The following TRPC5 variants were observed in gnomAD, a reference collection of about 807,000 sequenced individuals.
The protein encoded by TRPC5 is short transient receptor potential channel 5.
In TRPC5, 9 loss-of-function variants were observed where a neutral mutation model predicts 56.5. That is an observed-to-expected ratio of 0.16 (90% CI 0.10 to 0.28). The LOEUF is 0.28. TRPC5 is among the 10% of genes least tolerant of loss of function. TRPC5 has a pLI of 1.00. For synonymous variants in TRPC5, 282 were observed against 278.5 expected, an observed-to-expected ratio of 1.01 and a Z score of -0.13; for missense variants, 469 against 748.9, an observed-to-expected ratio of 0.63 and a Z score of 4.36.
intron 1 of TRPC5, among the ~76,000 whole-genome samples, chrX:112,038,124 C>T (rs1449394405): frequency 9.0e-6 from 1 of 111,289 alleles, no homozygotes; most frequent in Admixed American, 9.5e-5. Flanking sequence ...ATGACCAAGG[C>T]TGTAAATGAT....
At chrX:111,888,510 CAA>C (rs200585074) in intron 3 of TRPC5, among the ~76,000 whole-genome samples, 1 of 65,265 alleles carries the variant, frequency 1.5e-5, no homozygotes, top group African/African-American at 5.1e-5. Flanking sequence ...CCGTCTCTAC[CAA>C]AAAAAAAAAA....
chrX:111,811,062 T>A (rs1029488302), intron 7 of TRPC5, among the ~76,000 whole-genome samples: 3 of 112,329 alleles, frequency 2.7e-5, no homozygotes, highest in African/African-American at 9.7e-5. Context: ...AAAGGAATGA[T>A]GTAAACTTTC....
intron 1 of TRPC5, among the ~76,000 whole-genome samples, chrX:112,007,572 G>C (rs1211705471): frequency 2.7e-5 from 3 of 111,806 alleles, no homozygotes; most frequent in Non-Finnish European, 5.6e-5. Context: ...CTAAGGGTTT[G>C]TGCAGATCCT....
intron 3 of TRPC5, among the ~76,000 whole-genome samples, chrX:111,906,223 T>C (rs1001324462): frequency 9.3e-6 from 1 of 107,368 alleles, no homozygotes; most frequent in Non-Finnish European, 1.9e-5. Flanking sequence ...GGCACGGTGG[T>C]AGGCACCTGT....
intron 1 of TRPC5, among the ~76,000 whole-genome samples, chrX:111,963,604 C>T (rs758766409): frequency 6.3e-5 from 7 of 111,454 alleles, no homozygotes; most frequent in South Asian, 7.6e-4. Context: ...CTCACACGGC[C>T]GGGTACTCTT....
chrX:111,808,617 A>G (rs370927815), intron 7 of TRPC5, among the ~76,000 whole-genome samples: 58 of 109,991 alleles, frequency 5.3e-4, no homozygotes, highest in African/African-American at 1.3e-3. Flanking sequence ...GGACCAAAAG[A>G]GACTGCTTGG....
intron 2 of TRPC5, among the ~76,000 whole-genome samples, chrX:111,941,481 G>A (rs952786379): frequency 8.9e-6 from 1 of 112,094 alleles, no homozygotes; most frequent in Non-Finnish European, 1.9e-5. Context: ...GTGGTGGTGT[G>A]GCTTTGCTGA....
chrX:111,992,868 G>C (rs993539447), intron 1 of TRPC5, among the ~76,000 whole-genome samples: 1 of 110,387 alleles, frequency 9.1e-6, no homozygotes, highest in African/African-American at 3.3e-5. Flanking sequence ...AAAGTGCTGG[G>C]ATTACAGGTG....
intron 7 of TRPC5, among the ~76,000 whole-genome samples, chrX:111,834,448 G>A (rs1190115609): frequency 5.4e-5 from 6 of 110,937 alleles, no homozygotes; most frequent in Non-Finnish European, 7.5e-5. Flanking sequence ...AGGAAAAAAC[G>A]TAGCCCCCTC....
chrX:112,071,836 C>T (rs1930727208), intron 1 of TRPC5, among the ~76,000 whole-genome samples: 1 of 111,926 alleles, frequency 8.9e-6, no homozygotes, highest in South Asian at 3.7e-4. Context: ...CTAACTACTG[C>T]ATTGTTCAAA....
Position 112,081,992 on chromosome X carries a change from G to T in TRPC5, c.-135C>A, listed in dbSNP as rs1171224322. ...TCTTTTGCGGCGCGAAACAGCAGCCGACTGGGACAGCCCGGGGCCTCTAGG... is the reference window on the plus strand; with the variant it reads ...TCTTTTGCGGCGCGAAACAGCAGCCTACTGGGACAGCCCGGGGCCTCTAGG... On this transcript the variant is annotated 5_prime_UTR_variant, in exon 1 of 11. Coordinates refer to ENST00000262839, the MANE Select transcript of TRPC5 (RefSeq NM_012471.3). The T allele has an allele frequency of 9.0e-6, 1 of 111,643 alleles. No individual in the cohort carries two copies. Among genetic ancestry groups the T allele is most frequent in the Non-Finnish European group, 1.9e-5 (1 of 53,174 alleles). The allele number at this position is 111,643 out of a possible 1,213,427, so 9.2% of individuals were successfully genotyped here.
chrX:111,884,093 A>C, intron 3 of TRPC5, among the ~76,000 whole-genome samples: 1 of 112,585 alleles, frequency 8.9e-6, no homozygotes, highest in Middle Eastern at 4.6e-3. Context: ...AGTCTAGTTA[A>C]GTATTAGGCA....
chrX:112,027,296 G>A lies in TRPC5; in HGVS notation c.-22+54583C>T, dbSNP rs1395226242. ...GTGTGTGTATGTTGTGTGTGTATGC[G>A]CATGTGTGTGCATGATTGGGAAGTT... On this transcript the variant is annotated intron_variant, in intron 1 of 10. Transcript: ENST00000262839. Among the ~76,000 whole-genome samples the A allele has an allele frequency of 2.7e-5, 3 of 111,737 alleles. No individual in the cohort carries two copies. In the South Asian group the frequency reaches 1.1e-3, roughly 42 times the overall value.
In TRPC5 at chrX:111,891,067, A is replaced by G. The variant is rs931535353; in HGVS notation, c.900+21224T>C. 2.7e-5 allele frequency among the ~76,000 whole-genome samples: 3 copies of G among 112,279 alleles called. No individual in the cohort carries two copies. In the East Asian group the frequency reaches 8.4e-4, roughly 31 times the overall value. On this transcript the variant is annotated intron_variant, in intron 3 of 10. Transcript: ENST00000262839. ...ATGATCTTGTTTTTTATGGCTGCAT[A>G]GTACTCCATGGTGTATGTGTACCAC... is the stretch of plus-strand genomic sequence containing the variant.
intron 2 of TRPC5, among the ~76,000 whole-genome samples, chrX:111,942,881 T>C (rs1926817903): frequency 8.9e-6 from 1 of 111,885 alleles, no homozygotes; most frequent in Non-Finnish European, 1.9e-5. Context: ...TAAATGACCT[T>C]CCCAAGGTCG....
In TRPC5 at chrX:111,888,793, T is replaced by G. The variant is rs1171382329; in HGVS notation, c.900+23498A>C. 2.9e-5 allele frequency among the ~76,000 whole-genome samples: 3 copies of G among 105,234 alleles called. No homozygotes were observed. In the South Asian group the frequency reaches 1.3e-3, roughly 46 times the overall value. 91.4% of individuals were successfully genotyped at this position (105,234 alleles called of 115,157 possible). ...TCCTGTCAGGAGGCTGTCAAAATAA[T>G]CAAGGTGAGATGTAGATGATAGTGT... On this transcript the variant is annotated intron_variant, in intron 3 of 10. Coordinates refer to ENST00000262839, the MANE Select transcript of TRPC5 (RefSeq NM_012471.3).
rs183657693 is a variant in TRPC5 at position 111,900,122 on chromosome X, T to A, written c.900+12169A>T. Among the ~76,000 whole-genome samples the A allele has an allele frequency of 5.4e-4, 60 of 111,982 alleles. 1 individual carries two copies. The highest frequency in any genetic ancestry group is 5.0e-3 in the Admixed American group (53 of 10,554). On this transcript the variant is annotated intron_variant, in intron 3 of 10. Transcript: ENST00000262839. ...AGCTGTATGTGCAAATCACAGACCA[T>A]CTGGCTGATGATTTTCTGTACTCCA...
At chrX:111,953,333 A>C (rs747264614) in intron 1 of TRPC5, among the ~76,000 whole-genome samples, 1 of 112,484 alleles carries the variant, frequency 8.9e-6, no homozygotes, top group African/African-American at 3.2e-5. Flanking sequence ...TTAGTTTTAA[A>C]GTAAAAACCT....
At chrX:111,997,680 T>C (rs1928579858) in intron 1 of TRPC5, among the ~76,000 whole-genome samples, 2 of 110,478 alleles carry the variant, frequency 1.8e-5, no homozygotes, top group Non-Finnish European at 3.8e-5. Flanking sequence ...TTGGAGGCTT[T>C]GTTCATTTCT....
Sources: gnomAD v4.1 joint callset for allele counts (sites outside exome capture counted in the v4.1 genomes callset) on GRCh38, gnomAD v4.1.1 for gene constraint, MANE v1.5 for transcripts, NCBI Gene and HGNC (gene_info 2026-07-23, HGNC 2026-07-21) for gene names.